The following ZDHHC20 variants were observed in gnomAD, a reference collection of about 807,000 sequenced individuals.
The protein encoded by ZDHHC20 is zDHHC palmitoyltransferase 20.
ZDHHC20 carries 43 observed loss-of-function variants against 57.8 expected under a neutral mutation model. That is an observed-to-expected ratio of 0.74 (90% confidence interval 0.58 to 0.96). ZDHHC20 has a LOEUF of 0.96. Among genes scored for constraint, ZDHHC20 ranks in the 40% least tolerant of loss-of-function variants. The pLI is 0.00. For missense variants in ZDHHC20, 391 were observed against 441.1 expected, an observed-to-expected ratio of 0.89 and a Z score of 1.02; for synonymous variants, 157 against 153.0, an observed-to-expected ratio of 1.03 and a Z score of -0.19.
intron 6 of ZDHHC20, 122 bp from the exon 7 acceptor site, chr13:21,400,615 G>T: frequency 1.0e-6 from 1 of 965,964 alleles, no homozygotes; most frequent in Non-Finnish European, 1.5e-6. Flanking sequence ...TTTTTAATGC[G>T]AATAAAATTT....
chr13:21,414,575 G>GCA (rs1566090123), intron 3 of ZDHHC20, among the ~76,000 whole-genome samples: 7 of 142,096 alleles, frequency 4.9e-5, no homozygotes, highest in Non-Finnish European at 9.1e-5. Context: ...GTTTCACCGT[G>GCA]TTAGCCAGGA....
At chr13:21,445,235 T>C (rs1164828831) in intron 1 of ZDHHC20, among the ~76,000 whole-genome samples, 2 of 152,164 alleles carry the variant, frequency 1.3e-5, no homozygotes, top group Non-Finnish European at 2.9e-5. Flanking sequence ...AATATTTTAA[T>C]GGACAAATGT....
chr13:21,458,721 G>A (rs1250941603), intron 1 of ZDHHC20, among the ~76,000 whole-genome samples: 4 of 152,200 alleles, frequency 2.6e-5, no homozygotes, highest in African/African-American at 7.2e-5. Flanking sequence ...CTTCTAAGAA[G>A]CTCGACTACT....
At chr13:21,383,332 T>C (rs1873774975) in intron 9 of ZDHHC20, among the ~76,000 whole-genome samples, 1 of 152,216 alleles carries the variant, frequency 6.6e-6, no homozygotes, top group Non-Finnish European at 1.5e-5. Flanking sequence ...GACGGTTTTA[T>C]AAACGGGAGT....
chr13:21,400,830 A>G (rs1423407339), intron 6 of ZDHHC20, among the ~76,000 whole-genome samples: 1 of 151,586 alleles, frequency 6.6e-6, no homozygotes, highest in Non-Finnish European at 1.5e-5. Flanking sequence ...CCTGCCTCAG[A>G]CTCCCAAGTA....
intron 4 of ZDHHC20, among the ~76,000 whole-genome samples, chr13:21,405,030 A>C (rs1878252206): frequency 6.6e-6 from 1 of 152,168 alleles, no homozygotes; most frequent in Non-Finnish European, 1.5e-5. Context: ...ACTCTGTTAT[A>C]TATAAAACAT....
intron 1 of ZDHHC20, among the ~76,000 whole-genome samples, chr13:21,436,359 GT>G (rs1882541543): frequency 6.6e-6 from 1 of 152,190 alleles, no homozygotes; most frequent in African/African-American, 2.4e-5. Flanking sequence ...CAGACATTAT[GT>G]TTTTTACAAA....
intron 1 of ZDHHC20, among the ~76,000 whole-genome samples, chr13:21,454,721 G>A (rs1436660179): frequency 6.6e-6 from 1 of 152,156 alleles, no homozygotes; most frequent in Non-Finnish European, 1.5e-5. Flanking sequence ...ACAGTGTCAA[G>A]CTAGCATGTA....
At chr13:21,397,398 G>A (rs1342121926) in intron 7 of ZDHHC20, among the ~76,000 whole-genome samples, 1 of 150,572 alleles carries the variant, frequency 6.6e-6, no homozygotes, top group Non-Finnish European at 1.5e-5. Context: ...TCGGTGGCTC[G>A]CACCTGTAAT....
At chr13:21,410,603 C>T (rs919926626) in intron 4 of ZDHHC20, among the ~76,000 whole-genome samples, 18 of 152,242 alleles carry the variant, frequency 1.2e-4, no homozygotes, top group African/African-American at 4.1e-4. Context: ...AGTGCCTTTG[C>T]AGAGCTGTGG....
chr13:21,426,199 G>A (rs1180567381), intron 1 of ZDHHC20, among the ~76,000 whole-genome samples: 3 of 152,180 alleles, frequency 2.0e-5, no homozygotes, highest in Non-Finnish European at 4.4e-5. Context: ...GTAATTCAGT[G>A]TCTACCTCTC....
chr13:21,377,823 G>C (rs1489901132), intron 12 of ZDHHC20: 1 of 152,836 alleles, frequency 6.5e-6, no homozygotes, highest in Non-Finnish European at 1.5e-5. Context: ...CTAAAGATAA[G>C]ATGCCTCTAG....
intron 7 of ZDHHC20, among the ~76,000 whole-genome samples, chr13:21,398,430 C>G (rs980023655): frequency 6.6e-6 from 1 of 151,036 alleles, no homozygotes; most frequent in African/African-American, 2.4e-5. Flanking sequence ...CGCCACTGCA[C>G]TCCAGCCTGG....
chr13:21,456,768 T>C (rs924071537), intron 1 of ZDHHC20, among the ~76,000 whole-genome samples: 1 of 152,198 alleles, frequency 6.6e-6, no homozygotes, highest in Non-Finnish European at 1.5e-5. Flanking sequence ...AGTTATAGAA[T>C]GTTTTAACTT....
intron 1 of ZDHHC20, among the ~76,000 whole-genome samples, chr13:21,440,068 GAAAAAAAAAAAA>G (rs376263181): frequency 0.32 from 28,416 of 90,048 alleles, 3,275 homozygotes; most frequent in Non-Finnish European, 0.37. Flanking sequence ...CTGTTTCTCA[GAAAAAAAAAAAA>G]AAAAAAAAAA....
intron 8 of ZDHHC20, chr13:21,390,074 A>G (rs1253830554): frequency 6.6e-6 from 1 of 152,228 alleles, no homozygotes; most frequent in Non-Finnish European, 1.5e-5. Flanking sequence ...GAAGCCCACC[A>G]TAACTTACAA....
intron 1 of ZDHHC20, among the ~76,000 whole-genome samples, chr13:21,439,850 T>C (rs1882938659): frequency 6.6e-6 from 1 of 152,086 alleles, no homozygotes; most frequent in Admixed American, 6.6e-5. Context: ...GTGGATCACC[T>C]GAGGTCACAA....
intron 3 of ZDHHC20, among the ~76,000 whole-genome samples, chr13:21,415,439 T>G (rs1879835431): frequency 6.6e-6 from 1 of 152,080 alleles, no homozygotes; most frequent in Non-Finnish European, 1.5e-5. Context: ...CCCAAATTAC[T>G]TATGGGGGAC....
At chr13:21,409,966 C>G (rs113346419) in intron 4 of ZDHHC20, among the ~76,000 whole-genome samples, 3,765 of 152,238 alleles carry the variant, frequency 0.025, 143 homozygotes, top group African/African-American at 0.082. Context: ...GAGAGGCATT[C>G]TGGTTTTGGA....
Sources: gnomAD v4.1 joint callset for allele counts (sites outside exome capture counted in the v4.1 genomes callset) on GRCh38, gnomAD v4.1.1 for gene constraint, MANE v1.5 for transcripts, NCBI Gene and HGNC (gene_info 2026-07-23, HGNC 2026-07-21) for gene names.